Variants in MACROD2 observed in about 807,000 individuals in gnomAD.
MACROD2 encodes mono-ADP ribosylhydrolase 2.
In MACROD2, 36 loss-of-function variants were observed where a neutral mutation model predicts 70.4. That is an observed-to-expected ratio of 0.51 (90% CI 0.39 to 0.68). The LOEUF (loss-of-function observed/expected upper bound fraction) is 0.68, where lower values mean the gene tolerates loss of function less well. MACROD2 is among the 30% of genes least tolerant of loss of function. MACROD2 has a pLI of 0.00. For missense variants in MACROD2, 496 were observed against 538.4 expected (o/e 0.92, Z 0.78); for synonymous variants, 172 against 178.8 (o/e 0.96, Z 0.30).
chr20:14,515,463 A>ACG (rs375504957), intron 4 of MACROD2, among the ~76,000 whole-genome samples: 14 of 138,822 alleles, frequency 1.0e-4, no homozygotes, highest in African/African-American at 4.0e-4. Flanking sequence ...ATACACACAC[A>ACG]CGCACACACA....
At chr20:15,186,287 A>G (rs2076534211) in intron 5 of MACROD2, among the ~76,000 whole-genome samples, 1 of 152,160 alleles carries the variant, frequency 6.6e-6, no homozygotes, top group Non-Finnish European at 1.5e-5. Context: ...TTAGGCAGTC[A>G]GCAGACGAAC....
intron 4 of MACROD2, among the ~76,000 whole-genome samples, chr20:14,527,070 G>C (rs960112502): frequency 6.6e-6 from 1 of 152,198 alleles, no homozygotes; most frequent in Non-Finnish European, 1.5e-5. Flanking sequence ...TTTTCCCCTA[G>C]AGTTGGGCCT....
chr20:15,201,709 C>A (rs1175465913), intron 5 of MACROD2, among the ~76,000 whole-genome samples: 1 of 152,288 alleles, frequency 6.6e-6, no homozygotes, highest in East Asian at 1.9e-4. Context: ...TACCTAAGCA[C>A]TTCTATTGCT....
intron 5 of MACROD2, among the ~76,000 whole-genome samples, chr20:15,015,913 G>C (rs76804074): frequency 0.12 from 18,522 of 152,234 alleles, 1,278 homozygotes; most frequent in Non-Finnish European, 0.15. Context: ...GAGCCAAGAT[G>C]ATAAACCAGA....
intron 7 of MACROD2, among the ~76,000 whole-genome samples, chr20:15,436,104 C>G (rs1048016447): frequency 1.3e-5 from 2 of 152,076 alleles, no homozygotes; most frequent in Admixed American, 1.3e-4. Flanking sequence ...GTTTCAGTAA[C>G]TTTAGATTGC....
At chr20:14,970,365 C>G (rs1237656745) in intron 5 of MACROD2, among the ~76,000 whole-genome samples, 1 of 152,006 alleles carries the variant, frequency 6.6e-6, no homozygotes, top group Non-Finnish European at 1.5e-5. Flanking sequence ...AATCAAAATT[C>G]ATGTTAAGTC....
At chr20:14,274,076 A>G (rs996076996) in intron 3 of MACROD2, among the ~76,000 whole-genome samples, 71 of 152,306 alleles carry the variant, frequency 4.7e-4, no homozygotes, top group African/African-American at 1.5e-3. Flanking sequence ...ACAAAGAGGA[A>G]CTGGTACCAT....
chr20:14,066,973 G>A lies in MACROD2; in HGVS notation c.164-18648G>A, dbSNP rs375092258. Among the ~76,000 whole-genome samples, 5 of 149,646 alleles carry A rather than the reference G, an allele frequency of 3.3e-5. No homozygotes were observed. In the East Asian group the frequency reaches 5.9e-4, roughly 18 times the overall value. ...ACTACAGGCGCCCACCACCACGCCC[G>A]GCTAAGTTGTTGTATTTGTAGTAGA... On this transcript the variant is annotated intron_variant, in intron 2 of 17. Coordinates refer to ENST00000684519, the MANE Select transcript of MACROD2 (RefSeq NM_001351661.2).
At chr20:15,367,218 G>A (rs1159630308) in intron 6 of MACROD2, among the ~76,000 whole-genome samples, 2 of 151,888 alleles carry the variant, frequency 1.3e-5, no homozygotes, top group African/African-American at 4.8e-5. Context: ...AGTAGAGACA[G>A]GGTTTCACCA....
intron 3 of MACROD2, among the ~76,000 whole-genome samples, chr20:14,276,836 A>G (rs1171451219): frequency 6.6e-6 from 1 of 152,138 alleles, no homozygotes; most frequent in Non-Finnish European, 1.5e-5. Context: ...AGGCTAATGG[A>G]TGAGATAATT....
intron 4 of MACROD2, among the ~76,000 whole-genome samples, chr20:14,570,489 TA>T (rs1047514334): frequency 6.6e-6 from 1 of 151,750 alleles, no homozygotes; most frequent in Non-Finnish European, 1.5e-5. Context: ...TAAGAAAGAT[TA>T]AAAAGAAAGA....
At chr20:15,968,186 TAAAG>T (rs2066171700) in intron 13 of MACROD2, among the ~76,000 whole-genome samples, 1 of 152,098 alleles carries the variant, frequency 6.6e-6, no homozygotes, top group Admixed American at 6.5e-5. Flanking sequence ...AGATAAATGA[TAAAG>T]AAAGGCTTTT....
chr20:15,505,643 C>T (rs2047416777), intron 8 of MACROD2, among the ~76,000 whole-genome samples: 5 of 152,170 alleles, frequency 3.3e-5, no homozygotes, highest in Admixed American at 1.3e-4. Flanking sequence ...CTATACTGCT[C>T]TCCTCCCTAG....
At chr20:15,187,851 G>A (rs6074854) in intron 5 of MACROD2, among the ~76,000 whole-genome samples, 22,229 of 152,084 alleles carry the variant, frequency 0.15, 2,471 homozygotes, top group African/African-American at 0.31. Context: ...TCAGAAATTG[G>A]TTGTTTAATA....
chr20:14,076,236 A>G (rs899986092), intron 2 of MACROD2, among the ~76,000 whole-genome samples: 1 of 152,194 alleles, frequency 6.6e-6, no homozygotes, highest in Non-Finnish European at 1.5e-5. Context: ...TATTACCAGC[A>G]TAATTCATAA....
Position 16,046,129 on chromosome 20 carries a change from C to G in MACROD2, c.1300+1490C>G, listed in dbSNP as rs113473598. ...GTTCTTGATGGTTCTCTACACTTTC[C>G]TAAGAGGCTTGGCTTTACCACTCTT... On this transcript the variant is annotated intron_variant, in intron 17 of 17. Coordinates refer to ENST00000684519, the MANE Select transcript of MACROD2 (RefSeq NM_001351661.2). Among the ~76,000 whole-genome samples the G allele has an allele frequency of 9.0e-3, 1,368 of 152,216 alleles. 19 individuals are homozygous for G. The highest frequency in any genetic ancestry group is 0.031 in the African/African-American group (1,298 of 41,540).
chr20:15,782,417 C>G (rs1600883921), intron 8 of MACROD2, among the ~76,000 whole-genome samples: 1 of 152,022 alleles, frequency 6.6e-6, no homozygotes, highest in Non-Finnish European at 1.5e-5. Flanking sequence ...TTGATTATGA[C>G]TGAGGTCACT....
chr20:15,666,674 G>T (rs2049901721), intron 8 of MACROD2, among the ~76,000 whole-genome samples: 1 of 152,116 alleles, frequency 6.6e-6, no homozygotes, highest in Admixed American at 6.5e-5. Flanking sequence ...TATTTTCCAT[G>T]TGCAAGGCAC....
chr20:14,814,223 C>G (rs541322195), intron 5 of MACROD2, among the ~76,000 whole-genome samples: 1 of 152,070 alleles, frequency 6.6e-6, no homozygotes, highest in East Asian at 1.9e-4. Context: ...TCTTTTTCAC[C>G]GTATAATCTG....
Sources: gnomAD v4.1 joint callset for allele counts (sites outside exome capture counted in the v4.1 genomes callset) on GRCh38, gnomAD v4.1.1 for gene constraint, MANE v1.5 for transcripts, NCBI Gene and HGNC (gene_info 2026-07-23, HGNC 2026-07-21) for gene names.